FGF1: variants seen among roughly 807,000 people sequenced by gnomAD.
FGF1 encodes the protein fibroblast growth factor 1, also known as beta-endothelial cell growth factor.
A neutral mutation model predicts 13.4 loss-of-function variants in FGF1; 9 were observed. That is an observed-to-expected ratio of 0.67 (90% CI 0.40 to 1.17). The LOEUF is 1.17. Among genes scored for constraint, FGF1 ranks in the 50% most tolerant of loss-of-function variants. The pLI is 0.01. For synonymous variants in FGF1, 93 were observed against 79.0 expected, an observed-to-expected ratio of 1.18 and a Z score of -0.94; for missense variants, 156 against 192.7, an observed-to-expected ratio of 0.81 and a Z score of 1.13.
chr5:142,638,436 T>C (rs1764640417), intron 1 of FGF1, among the ~76,000 whole-genome samples: 1 of 152,056 alleles, frequency 6.6e-6, no homozygotes, highest in Non-Finnish European at 1.5e-5. Flanking sequence ...GCAGAACCCC[T>C]ATCTTGCTCA....
At chr5:142,665,878 G>T (rs1241057436) in intron 1 of FGF1, among the ~76,000 whole-genome samples, 1 of 152,090 alleles carries the variant, frequency 6.6e-6, no homozygotes, top group Admixed American at 6.5e-5. Context: ...TTCTTTTCTC[G>T]ATCCCCAGTC....
At chr5:142,655,856 C>T (rs1429929931) in intron 1 of FGF1, among the ~76,000 whole-genome samples, 1 of 152,212 alleles carries the variant, frequency 6.6e-6, no homozygotes. Context: ...GGGGAGCCCG[C>T]AGCCAGAAGA....
intron 1 of FGF1, among the ~76,000 whole-genome samples, chr5:142,629,120 T>A (rs997794587): frequency 2.0e-5 from 3 of 152,214 alleles, no homozygotes; most frequent in Admixed American, 6.5e-5. Context: ...TGTAAAATTT[T>A]ATACAATGTA....
At chr5:142,620,193 G>A (rs577934350) in intron 1 of FGF1, among the ~76,000 whole-genome samples, 18 of 152,214 alleles carry the variant, frequency 1.2e-4, no homozygotes, top group East Asian at 3.9e-4. Flanking sequence ...CGAGGTGGGC[G>A]GATCACGAGG....
intron 1 of FGF1, among the ~76,000 whole-genome samples, chr5:142,669,361 C>T (rs186135956): frequency 1.3e-5 from 2 of 152,148 alleles, no homozygotes; most frequent in Non-Finnish European, 1.5e-5. Context: ...ACAAGCCAGT[C>T]GAGGACAGAA....
At chr5:142,621,709 G>A (rs986983775) in intron 1 of FGF1, among the ~76,000 whole-genome samples, 2 of 152,040 alleles carry the variant, frequency 1.3e-5, no homozygotes, top group African/African-American at 4.8e-5. Context: ...CCTTGCTGTG[G>A]CCTGCAGGAC....
Position 142,630,890 on chromosome 5 carries a change from T to C in FGF1, c.-34-16729A>G, listed in dbSNP as rs117787554. 6.6e-5 allele frequency among the ~76,000 whole-genome samples: 10 copies of C among 152,364 alleles called. No individual in the cohort carries two copies. The East Asian group carries it at 1.3e-3, about 21-fold the overall frequency. On this transcript the variant is annotated intron_variant, in intron 1 of 3. Coordinates refer to ENST00000337706, the MANE Select transcript of FGF1 (RefSeq NM_000800.5). ...GTTCTCTTTCTTCCAACATTCACCATCATCTGTAATTAATTATATATCCAT... is the reference window on the plus strand; with the variant it reads ...GTTCTCTTTCTTCCAACATTCACCACCATCTGTAATTAATTATATATCCAT...
intron 1 of FGF1, among the ~76,000 whole-genome samples, chr5:142,663,294 C>G (rs1368577852): frequency 2.0e-5 from 3 of 151,062 alleles, no homozygotes; most frequent in Non-Finnish European, 2.9e-5. Flanking sequence ...TCCAGCAGAA[C>G]GATTTTACCA....
In FGF1 at chr5:142,661,652, A is replaced by G. The variant is rs145522622; in HGVS notation, c.-35+24305T>C. Among the ~76,000 whole-genome samples the G allele has an allele frequency of 1.2e-4, 18 of 152,320 alleles. No homozygotes were observed. The East Asian group carries it at 3.5e-3, about 29-fold the overall frequency. The stretch of plus-strand genomic sequence containing the variant: ...AACCATAAAAAGGAATGCAGTACTG[A>G]TACATGCTACAATGTGGATGAACCT... On this transcript the variant is annotated intron_variant, in intron 1 of 3. Coordinates refer to ENST00000337706, the MANE Select transcript of FGF1 (RefSeq NM_000800.5).
chr5:142,629,958 A>G (rs1212513075), intron 1 of FGF1, among the ~76,000 whole-genome samples: 1 of 147,438 alleles, frequency 6.8e-6, no homozygotes. Context: ...CAGTGGCATG[A>G]TCTCGGCTCA....
intron 1 of FGF1, among the ~76,000 whole-genome samples, chr5:142,674,827 C>T (rs547422716): frequency 6.6e-6 from 1 of 152,128 alleles, no homozygotes; most frequent in South Asian, 2.1e-4. Context: ...ATTCTTAGAA[C>T]AAGGGACTCC....
chr5:142,679,710 T>C (rs1242180395), intron 1 of FGF1, among the ~76,000 whole-genome samples: 1 of 152,224 alleles, frequency 6.6e-6, no homozygotes, highest in Non-Finnish European at 1.5e-5. Flanking sequence ...TGTTCATTCC[T>C]TCTTCCCTCT....
rs574968766 is a variant in FGF1 at position 142,619,748 on chromosome 5, G to A, written c.-34-5587C>T. On this transcript the variant is annotated intron_variant, in intron 1 of 3. Transcript: ENST00000337706. The stretch of plus-strand genomic sequence containing the variant: ...CTCAGGAGGCTGAGGCAGGAGAATC[G>A]CTTGAACCCGGGAGGCGGAGGTTGT... Among the ~76,000 whole-genome samples, 170 of 152,052 alleles carry A rather than the reference G, an allele frequency of 1.1e-3. 1 individual carries two copies. Among genetic ancestry groups the A allele is most frequent in the Non-Finnish European group, 1.7e-3 (118 of 67,972 alleles).
chr5:142,600,506 A>T (rs17099072), intron 3 of FGF1, among the ~76,000 whole-genome samples, 196 bp downstream of exon 3: 10,580 of 152,312 alleles, frequency 0.069, 600 homozygotes, highest in East Asian at 0.14. Flanking sequence ...TACATTTGAG[A>T]GTTTTGAGAG....
upstream of FGF1, chr5:142,686,472 A>G (rs1751237203): frequency 2.0e-5 from 3 of 152,132 alleles, no homozygotes; most frequent in African/African-American, 7.2e-5. Flanking sequence ...TCTTGGGGCA[A>G]ATGTGTGAGC....
At chr5:142,678,788 C>T (rs1241197516) in intron 1 of FGF1, among the ~76,000 whole-genome samples, 1 of 152,254 alleles carries the variant, frequency 6.6e-6, no homozygotes, top group East Asian at 1.9e-4. Flanking sequence ...GCCTAGTCCA[C>T]TGCAGTCTGA....
chr5:142,646,007 C>G (rs2151961266), intron 1 of FGF1, among the ~76,000 whole-genome samples: 1 of 152,274 alleles, frequency 6.6e-6, no homozygotes, highest in Middle Eastern at 3.4e-3. Context: ...CTCCCGCGTT[C>G]AAGTCATTCT....
intron 1 of FGF1, among the ~76,000 whole-genome samples, chr5:142,643,215 A>T (rs1765470855): frequency 1.3e-5 from 2 of 152,162 alleles, no homozygotes; most frequent in Non-Finnish European, 2.9e-5. Flanking sequence ...AATCAAGGTC[A>T]TAACAATTAT....
At chr5:142,643,566 G>A (rs946817656) in intron 1 of FGF1, among the ~76,000 whole-genome samples, 4 of 152,164 alleles carry the variant, frequency 2.6e-5, no homozygotes, top group Non-Finnish European at 4.4e-5. Context: ...TAGGAAAATA[G>A]GGCTTTTCCA....
Sources: allele counts gnomAD v4.1 joint callset (sites outside exome capture counted in the v4.1 genomes callset), GRCh38; gene constraint gnomAD v4.1.1; transcripts MANE v1.5; gene names NCBI Gene and HGNC (gene_info 2026-07-23, HGNC 2026-07-21).